The following EFNA5 variants were observed in gnomAD, a reference collection of about 807,000 sequenced individuals.
EFNA5 encodes the protein ephrin A5.
Under a neutral mutation model 22.9 loss-of-function variants are expected in EFNA5, and 5 were observed. The ratio of observed to expected loss-of-function variants is 0.22; its 90% confidence interval spans 0.11 to 0.46. The LOEUF (loss-of-function observed/expected upper bound fraction) is 0.46. Among genes scored for constraint, EFNA5 ranks in the 20% least tolerant of loss-of-function variants. EFNA5 has a pLI of 0.99. For synonymous variants in EFNA5, 113 were observed against 112.2 expected (o/e 1.01, Z -0.04); for missense variants, 237 against 293.3 (o/e 0.81, Z 1.40).
At chr5:107,474,927 T>C (rs1288137778) in intron 1 of EFNA5, among the ~76,000 whole-genome samples, 1 of 152,206 alleles carries the variant, frequency 6.6e-6, no homozygotes, top group Non-Finnish European at 1.5e-5. Flanking sequence ...ACAATTTACA[T>C]AAAAATCATT....
chr5:107,524,381 T>C (rs952271332), intron 1 of EFNA5, among the ~76,000 whole-genome samples: 1 of 152,178 alleles, frequency 6.6e-6, no homozygotes, highest in Non-Finnish European at 1.5e-5. Context: ...ACAGCACAGG[T>C]TGAGTGAGTC....
At chr5:107,661,050 G>A (rs1033892710) in intron 1 of EFNA5, among the ~76,000 whole-genome samples, 1 of 151,260 alleles carries the variant, frequency 6.6e-6, no homozygotes, top group African/African-American at 2.4e-5. Context: ...GGTTACTGGC[G>A]AGATTGCAGA....
intron 1 of EFNA5, among the ~76,000 whole-genome samples, chr5:107,514,320 C>T (rs1747433592): frequency 6.6e-6 from 1 of 152,124 alleles, no homozygotes; most frequent in African/African-American, 2.4e-5. Context: ...AACAGAGATC[C>T]ATCTTAAGGA....
intron 1 of EFNA5, among the ~76,000 whole-genome samples, chr5:107,563,655 G>A (rs1475313711): frequency 6.6e-6 from 1 of 152,048 alleles, no homozygotes; most frequent in East Asian, 1.9e-4. Flanking sequence ...GGCTTAGGCT[G>A]GCCTCCAGCT....
chr5:107,654,574 T>C (rs545444096), intron 1 of EFNA5, among the ~76,000 whole-genome samples: 1 of 152,234 alleles, frequency 6.6e-6, no homozygotes, highest in African/African-American at 2.4e-5. Flanking sequence ...TCCATTCACA[T>C]TTTGCAACAT....
intron 1 of EFNA5, among the ~76,000 whole-genome samples, chr5:107,627,019 T>C (rs1010837888): frequency 2.0e-5 from 3 of 152,234 alleles, no homozygotes; most frequent in Non-Finnish European, 2.9e-5. Flanking sequence ...TCATCAAATT[T>C]AATAATTCCT....
chr5:107,635,712 C>A (rs1187827455), intron 1 of EFNA5, among the ~76,000 whole-genome samples: 2 of 152,188 alleles, frequency 1.3e-5, no homozygotes, highest in Non-Finnish European at 2.9e-5. Flanking sequence ...GACAGCCTCA[C>A]AGTGAGAGGG....
At chr5:107,615,393 G>C (rs977000079) in intron 1 of EFNA5, among the ~76,000 whole-genome samples, 1 of 152,050 alleles carries the variant, frequency 6.6e-6, no homozygotes, top group Non-Finnish European at 1.5e-5. Flanking sequence ...AAACATTCAG[G>C]GGGAGGGGGG....
chr5:107,589,173 G>A (rs1749263265), intron 1 of EFNA5, among the ~76,000 whole-genome samples: 1 of 152,146 alleles, frequency 6.6e-6, no homozygotes, highest in South Asian at 2.1e-4. Context: ...ATTTAGCTAT[G>A]TAAAGCCAAC....
chr5:107,476,268 G>C lies in EFNA5; in HGVS notation c.126-48759C>G, dbSNP rs571948139. 2.0e-5 allele frequency among the ~76,000 whole-genome samples: 3 copies of C among 151,102 alleles called. No homozygotes were observed. The East Asian group carries it at 5.9e-4, about 30-fold the overall frequency. On this transcript the variant is annotated intron_variant, in intron 1 of 4. Transcript: ENST00000333274. ...CGGTTTCACAATGTTGGCCAGGCTG[G>C]TCTTGAACTCCTGACCTCAGGTGAT... is the stretch of plus-strand genomic sequence containing the variant.
rs1203590006 is a variant in EFNA5, at chr5:107,421,026, T to G, written c.418+6191A>C. 2.0e-5 allele frequency among the ~76,000 whole-genome samples: 3 copies of G among 152,208 alleles called. No individual in the cohort carries two copies. In the East Asian group the frequency reaches 5.8e-4, roughly 29 times the overall value. On this transcript the variant is annotated intron_variant, in intron 2 of 4. Coordinates refer to ENST00000333274, the MANE Select transcript of EFNA5 (RefSeq NM_001962.3). ...CTGTTTTACTAGTTTTACTGAATAT[T>G]CTTATACTTTTAAAAGGTTAGCCAA...
intron 1 of EFNA5, among the ~76,000 whole-genome samples, chr5:107,568,126 G>A (rs1490883679): frequency 9.2e-5 from 14 of 151,996 alleles, no homozygotes; most frequent in Admixed American, 9.2e-4. Flanking sequence ...CAAACTCCTA[G>A]GCTCAAGTGA....
intron 1 of EFNA5, among the ~76,000 whole-genome samples, chr5:107,537,598 TCAAAAA>T (rs370359521): frequency 5.3e-5 from 8 of 152,258 alleles, no homozygotes; most frequent in Admixed American, 1.3e-4. Context: ...AAACTCCTTC[TCAAAAA>T]CAAAAACAAA....
chr5:107,387,458 T>G (rs1046772928), intron 3 of EFNA5, 143 bp from the exon 4 acceptor site: 18 of 628,180 alleles, frequency 2.9e-5, no homozygotes, highest in African/African-American at 2.2e-4. Flanking sequence ...AATGCCAATA[T>G]TGTTCCCATT....
chr5:107,407,034 T>C (rs777110869), intron 2 of EFNA5, among the ~76,000 whole-genome samples: 84 of 152,230 alleles, frequency 5.5e-4, no homozygotes, highest in Non-Finnish European at 1.1e-3. Flanking sequence ...GTAGCTTATT[T>C]TTCAACATAT....
intron 1 of EFNA5, among the ~76,000 whole-genome samples, chr5:107,541,425 C>T (rs192525890): frequency 1.7e-3 from 255 of 152,188 alleles, no homozygotes; most frequent in African/African-American, 5.8e-3. Flanking sequence ...AAAATGTAAT[C>T]GAAGCCTAAC....
chr5:107,541,673 G>A (rs946811422), intron 1 of EFNA5, among the ~76,000 whole-genome samples: 15 of 152,150 alleles, frequency 9.9e-5, no homozygotes, highest in Non-Finnish European at 1.5e-4. Flanking sequence ...TCAACTTCAA[G>A]CTCAGTAAAC....
At chr5:107,641,357 CA>C (rs33968147) in intron 1 of EFNA5, among the ~76,000 whole-genome samples, 50,074 of 146,744 alleles carry the variant, frequency 0.34, 8,488 homozygotes, top group Non-Finnish European at 0.38. Flanking sequence ...GACTCTGTCT[CA>C]AAAAAAAAAA....
intron 2 of EFNA5, among the ~76,000 whole-genome samples, chr5:107,402,813 G>A (rs1748119534): frequency 6.6e-6 from 1 of 152,170 alleles, no homozygotes; most frequent in South Asian, 2.1e-4. Context: ...AAGTCTTCGG[G>A]CAAATTTCCT....
Sources: allele counts gnomAD v4.1 joint callset (sites outside exome capture counted in the v4.1 genomes callset), GRCh38; gene constraint gnomAD v4.1.1; transcripts MANE v1.5; gene names NCBI Gene and HGNC (gene_info 2026-07-23, HGNC 2026-07-21).